TMPRSS11D: variants seen among roughly 807,000 people sequenced by gnomAD.
TMPRSS11D encodes the protein transmembrane serine protease 11D.
In TMPRSS11D, 32 loss-of-function variants were observed where a neutral mutation model predicts 44.4. That is an observed-to-expected ratio of 0.72 (90% CI 0.54 to 0.97). The LOEUF is 0.97. Ranked by LOEUF, TMPRSS11D falls within the 50% of genes least tolerant of loss-of-function variation. TMPRSS11D has a pLI of 0.00. For missense variants in TMPRSS11D, 446 were observed against 502.6 expected (o/e 0.89, Z 1.08); for synonymous variants, 179 against 177.9 (o/e 1.01, Z -0.05).
intron 1 of TMPRSS11D, among the ~76,000 whole-genome samples, chr4:67,879,586 G>A (rs76058105): frequency 0.01 from 1,573 of 151,856 alleles, 28 homozygotes; most frequent in African/African-American, 0.035. Flanking sequence ...AACCAGGAAA[G>A]AATGGTGTTT....
chr4:67,875,157 A>C (rs1247478193), intron 1 of TMPRSS11D, among the ~76,000 whole-genome samples: 1 of 152,180 alleles, frequency 6.6e-6, no homozygotes, highest in African/African-American at 2.4e-5. Flanking sequence ...ACAGAGTTCC[A>C]AGGTCTATGG....
intron 2 of TMPRSS11D, among the ~76,000 whole-genome samples, chr4:67,858,672 A>G (rs1425563969): frequency 1.3e-5 from 2 of 152,088 alleles, no homozygotes; most frequent in East Asian, 3.8e-4. Flanking sequence ...ACACATACCC[A>G]TGTACACACC....
chr4:67,825,841 A>T lies in TMPRSS11D; in HGVS notation c.986T>A (p.Val329Asp). 5.0e-6 allele frequency: 8 copies of T among 1,612,846 alleles called. No individual in the cohort carries two copies. Among genetic ancestry groups the T allele is most frequent in the Non-Finnish European group, 5.9e-6 (7 of 1,179,252 alleles). ...ACATACATCATTACTTATTATTCTGACCTGTCCTTGCCTTAGCTCTGGAAC... is the reference window on the plus strand; with the variant it reads ...ACATACATCATTACTTATTATTCTGTCCTGTCCTTGCCTTAGCTCTGGAAC... Reference protein sequence around the residue: ...HTVPELRQGQVRIISNDVCNA... With the variant: ...HTVPELRQGQDRIISNDVCNA... Residue 329 changes from valine (V) to aspartate (D), a missense_variant, in exon 9 of 10, where the codon GTC (valine) becomes GAC (aspartate). Transcript: ENST00000283916.
At chr4:67,861,939 T>C (rs749156898) in intron 1 of TMPRSS11D, among the ~76,000 whole-genome samples, 8 of 152,130 alleles carry the variant, frequency 5.3e-5, no homozygotes, top group Non-Finnish European at 1.0e-4. Context: ...TGTATAATAT[T>C]TACTCTAAAT....
Position 67,825,837 on chromosome 4 carries a change from T to C in TMPRSS11D, c.990A>G (p.Arg330=). Residue 330 remains arginine, a synonymous_variant, in exon 9 of 10, where the codon AGA becomes AGG. Transcript: ENST00000283916. ...CATTACATACATCATTACTTATTAT[T>C]CTGACCTGTCCTTGCCTTAGCTCTG... is the stretch of plus-strand genomic sequence containing the variant. ...TVPELRQGQV[R]IISNDVCNAP... The C allele has an allele frequency of 1.2e-6, 2 of 1,613,076 alleles. No individual in the cohort carries two copies. Among genetic ancestry groups the C allele is most frequent in the Non-Finnish European group, 1.7e-6 (2 of 1,179,360 alleles).
At position 67,859,562 on chromosome 4, in the gene TMPRSS11D, G is replaced by C. The variant is rs1005215982; in HGVS notation, c.125C>G (p.Ala42Gly). The change falls in exon 2 of 10, where the codon GCT becomes GGT. Residue 42 changes from alanine to glycine, a missense_variant. Coordinates refer to ENST00000283916, the MANE Select transcript of TMPRSS11D (RefSeq NM_004262.3). Reference sequence around the variant, plus strand: ...AATAATGTTCTGGTACTTACCAAAAGCTAAAAAGTAAACAAGTAGAGCTAT... The same window carrying C: ...AATAATGTTCTGGTACTTACCAAAACCTAAAAAGTAAACAAGTAGAGCTAT... ...VTIALLVYFLAFDQKSYFYRS... is the reference protein window; with the variant it reads ...VTIALLVYFLGFDQKSYFYRS... 9.9e-6 allele frequency: 16 copies of C among 1,612,586 alleles called. No homozygotes were observed. The highest frequency in any genetic ancestry group is 1.3e-5 in the Non-Finnish European group (15 of 1,179,064).
intron 2 of TMPRSS11D, among the ~76,000 whole-genome samples, chr4:67,857,209 A>G (rs1577822223): frequency 6.6e-6 from 1 of 151,052 alleles, no homozygotes; most frequent in Admixed American, 6.6e-5. Flanking sequence ...ACTGTTCACA[A>G]TAGCCAAGAT....
chr4:67,831,130 G>A (rs1717934093), intron 7 of TMPRSS11D, among the ~76,000 whole-genome samples: 1 of 152,016 alleles, frequency 6.6e-6, no homozygotes, highest in African/African-American at 2.4e-5. Context: ...ACTGACAAGA[G>A]GTAAGTCAAA....
intron 4 of TMPRSS11D, among the ~76,000 whole-genome samples, chr4:67,842,183 A>G (rs1478183210): frequency 6.6e-6 from 1 of 152,172 alleles, no homozygotes; most frequent in Admixed American, 6.6e-5. Context: ...TAGTGTCTTG[A>G]TCTTGGATGG....
In TMPRSS11D at chr4:67,869,480, TA is replaced by T. The variant is rs576113529; in HGVS notation, c.9-9803del. The stretch of plus-strand genomic sequence containing the variant: ...TAATATATATGCAATATTACAAGTA[TA>T]TAATTTAGGCAGCTATCAATTAATA... On this transcript the variant is annotated intron_variant, in intron 1 of 9. Coordinates refer to ENST00000283916, the MANE Select transcript of TMPRSS11D (RefSeq NM_004262.3). Among the ~76,000 whole-genome samples the T allele has an allele frequency of 1.6e-4, 25 of 152,224 alleles. 1 individual carries two copies. In the South Asian group the frequency reaches 5.2e-3, roughly 32 times the overall value.
chr4:67,873,241 C>A (rs1375708287), intron 1 of TMPRSS11D, among the ~76,000 whole-genome samples: 1 of 152,110 alleles, frequency 6.6e-6, no homozygotes, highest in African/African-American at 2.4e-5. Flanking sequence ...TCTGAAATAC[C>A]CAGCATTTTG....
intron 7 of TMPRSS11D, among the ~76,000 whole-genome samples, chr4:67,829,419 G>A (rs1269134942): frequency 6.8e-6 from 1 of 147,422 alleles, no homozygotes; most frequent in Non-Finnish European, 1.5e-5. Context: ...TATATACATA[G>A]GGGGAGACAG....
chr4:67,880,929 C>CT (rs1482745300), intron 1 of TMPRSS11D, among the ~76,000 whole-genome samples: 7 of 152,162 alleles, frequency 4.6e-5, no homozygotes, highest in African/African-American at 1.7e-4. Flanking sequence ...TGCTGAATGA[C>CT]TCATCAGTAT....
At chr4:67,850,401 G>A (rs1718473081) in intron 3 of TMPRSS11D, among the ~76,000 whole-genome samples, 1 of 151,796 alleles carries the variant, frequency 6.6e-6, no homozygotes, top group South Asian at 2.1e-4. Context: ...GTATTTTGTT[G>A]CAGCCGCTCA....
chr4:67,880,339 G>T (rs1719290705), intron 1 of TMPRSS11D, among the ~76,000 whole-genome samples: 1 of 152,142 alleles, frequency 6.6e-6, no homozygotes, highest in South Asian at 2.1e-4. Context: ...AAAAATAGAG[G>T]CAATAGGTTT....
At chr4:67,859,744 C>A in intron 1 of TMPRSS11D, 66 bp from the exon 2 acceptor site, 1 of 1,586,248 alleles carries the variant, frequency 6.3e-7, no homozygotes. Context: ...TTTTAGTGTT[C>A]ATGATTGTCT....
At chr4:67,858,742 C>T (rs1377045756) in intron 2 of TMPRSS11D, among the ~76,000 whole-genome samples, 1 of 151,950 alleles carries the variant, frequency 6.6e-6, no homozygotes, top group Non-Finnish European at 1.5e-5. Flanking sequence ...ATAAAAATAA[C>T]CTCAAAGTGT....
intron 2 of TMPRSS11D, among the ~76,000 whole-genome samples, chr4:67,855,115 T>C (rs1488949484): frequency 2.0e-5 from 3 of 151,414 alleles, no homozygotes; most frequent in Non-Finnish European, 4.4e-5. Flanking sequence ...ATTAGCCAGG[T>C]GTGGTGGCAG....
intron 8 of TMPRSS11D, 135 bp downstream of exon 8, chr4:67,827,126 G>A (rs1717812475): frequency 1.7e-6 from 2 of 1,176,670 alleles, no homozygotes; most frequent in Non-Finnish European, 2.3e-6. Context: ...CAGAGCTTGG[G>A]CTGAGCAGAA....
Sources: allele counts gnomAD v4.1 joint callset (sites outside exome capture counted in the v4.1 genomes callset), GRCh38; gene constraint gnomAD v4.1.1; transcripts MANE v1.5; gene names NCBI Gene and HGNC (gene_info 2026-07-23, HGNC 2026-07-21).